The following DLG2 variants were observed in gnomAD, a reference collection of about 807,000 sequenced individuals.
The protein encoded by DLG2 is discs large MAGUK scaffold protein 2.
A neutral mutation model predicts 132.5 loss-of-function variants in DLG2; 45 were observed. That is an observed-to-expected ratio of 0.34 (90% CI 0.27 to 0.44). The LOEUF (loss-of-function observed/expected upper bound fraction) is 0.44, where lower values mean the gene tolerates loss of function less well. DLG2 is among the 20% of genes least tolerant of loss of function. The pLI is 1.00. For missense variants in DLG2, 1,045 were observed against 1,196.9 expected, an observed-to-expected ratio of 0.87 and a Z score of 1.87; for synonymous variants, 424 against 419.6, an observed-to-expected ratio of 1.01 and a Z score of -0.13.
chr11:83,959,180 C>T (rs1395675804), intron 14 of DLG2, among the ~76,000 whole-genome samples: 1 of 152,026 alleles, frequency 6.6e-6, no homozygotes, highest in Non-Finnish European at 1.5e-5. Context: ...AATAAAACTT[C>T]CCAGTTTATG....
At chr11:85,233,354 C>T (rs2152652995) in intron 4 of DLG2, among the ~76,000 whole-genome samples, 1 of 152,050 alleles carries the variant, frequency 6.6e-6, no homozygotes, top group African/African-American at 2.4e-5. Flanking sequence ...CCAGGATTGA[C>T]TTCTCCTAAC....
chr11:84,515,063 A>T (rs1158636575), intron 7 of DLG2, among the ~76,000 whole-genome samples: 1 of 151,948 alleles, frequency 6.6e-6, no homozygotes, highest in Non-Finnish European at 1.5e-5. Context: ...CAAAAAAATT[A>T]AAAAATAAGG....
At chr11:84,868,949 A>G (rs2154039243) in intron 6 of DLG2, among the ~76,000 whole-genome samples, 1 of 152,362 alleles carries the variant, frequency 6.6e-6, no homozygotes, top group East Asian at 1.9e-4. Context: ...GGCTTTGACA[A>G]GAGTGACTAA....
At chr11:83,975,081 T>C (rs1244842878) in intron 12 of DLG2, among the ~76,000 whole-genome samples, 1 of 152,030 alleles carries the variant, frequency 6.6e-6, no homozygotes, top group African/African-American at 2.4e-5. Context: ...GAGAAGACAA[T>C]CAAATTATCC....
intron 6 of DLG2, chr11:85,021,192 T>G: frequency 9.6e-7 from 1 of 1,044,442 alleles, no homozygotes; most frequent in Non-Finnish European, 1.5e-6. Flanking sequence ...TTTCCCTTCG[T>G]GAGTTGTTTC....
At chr11:83,640,820 G>A (rs2153479885) in intron 18 of DLG2, among the ~76,000 whole-genome samples, 1 of 152,280 alleles carries the variant, frequency 6.6e-6, no homozygotes, top group Middle Eastern at 3.4e-3. Context: ...TCAGTTCCAT[G>A]TTAAAATGGA....
rs531956571 is a variant in DLG2, at chr11:83,872,371, A to G, written c.1565+2049T>C. ...CAACAAATGGTAGAGGCCAGGACTC[A>G]AACCAAATTCTTTGACTCTAGAGTA... On this transcript the variant is annotated intron_variant, in intron 16 of 27. Transcript: ENST00000376104. 3.3e-5 allele frequency among the ~76,000 whole-genome samples: 5 copies of G among 152,346 alleles called. No individual in the cohort carries two copies. In the South Asian group the frequency reaches 1.0e-3, roughly 32 times the overall value.
chr11:83,697,271 A>G (rs1400305848), intron 18 of DLG2, among the ~76,000 whole-genome samples: 1 of 152,226 alleles, frequency 6.6e-6, no homozygotes, highest in Non-Finnish European at 1.5e-5. Flanking sequence ...ACTTAAAGAA[A>G]GAAAATGAAG....
intron 21 of DLG2, among the ~76,000 whole-genome samples, chr11:83,515,931 T>A (rs898706900): frequency 1.3e-5 from 2 of 152,092 alleles, no homozygotes; most frequent in East Asian, 1.9e-4. Context: ...TGCTGAGGAG[T>A]GCTTTACTTC....
rs143732832 is a variant in DLG2, at chr11:85,354,463, A to G, written c.41-69098T>C. 5.3e-3 allele frequency among the ~76,000 whole-genome samples: 808 copies of G among 152,170 alleles called. 4 individuals carry two copies. Among genetic ancestry groups the G allele is most frequent in the Non-Finnish European group, 8.9e-3 (602 of 68,000 alleles). On this transcript the variant is annotated intron_variant, in intron 3 of 27. Coordinates refer to ENST00000376104, the MANE Select transcript of DLG2 (RefSeq NM_001142699.3). ...CACAATGTCACCTTCTTATAAAGTC[A>G]TTATTTCCTTCCCCTTGTTCTTCAG...
At chr11:84,326,489 G>A (rs1229903032) in intron 7 of DLG2, among the ~76,000 whole-genome samples, 2 of 151,908 alleles carry the variant, frequency 1.3e-5, no homozygotes, top group South Asian at 2.1e-4. Flanking sequence ...TTGACCTATT[G>A]GTTAAGAGTG....
chr11:84,968,033 C>T (rs1230427526), intron 6 of DLG2, among the ~76,000 whole-genome samples: 1 of 151,776 alleles, frequency 6.6e-6, no homozygotes, highest in Non-Finnish European at 1.5e-5. Context: ...TGTTAAAGAA[C>T]TAAAAAGAAG....
In DLG2 at chr11:83,490,488, A is replaced by AGTC. The variant is rs373413960; in HGVS notation, c.2194-6263_2194-6261dup. ...ACCATTTTGTAATCATCACTATAAT[A>AGTC]GTCAAGTTAGGGAAGAATCATCTGT... is the stretch of plus-strand genomic sequence containing the variant. On this transcript the variant is annotated intron_variant, in intron 21 of 27. Coordinates refer to ENST00000376104, the MANE Select transcript of DLG2 (RefSeq NM_001142699.3). Among the ~76,000 whole-genome samples the AGTC allele has an allele frequency of 2.6e-4, 40 of 152,168 alleles. No homozygotes were observed. The East Asian group carries it at 7.0e-3, about 26-fold the overall frequency.
At chr11:83,605,777 G>A (rs1594349908) in intron 19 of DLG2, among the ~76,000 whole-genome samples, 1 of 152,328 alleles carries the variant, frequency 6.6e-6, no homozygotes, top group East Asian at 1.9e-4. Context: ...ATACATGCAA[G>A]AGTACTTGCA....
At chr11:83,618,656 CCTACT>C in intron 19 of DLG2, among the ~76,000 whole-genome samples, 1 of 152,280 alleles carries the variant, frequency 6.6e-6, no homozygotes, top group African/African-American at 2.4e-5. Flanking sequence ...AAGCTTTTGG[CCTACT>C]CTACTCTGCT....
chr11:84,191,177 T>C (rs2096401304), intron 8 of DLG2, among the ~76,000 whole-genome samples: 1 of 152,240 alleles, frequency 6.6e-6, no homozygotes, highest in South Asian at 2.1e-4. Context: ...TTTCAGTTTC[T>C]CAATTTCTAT....
intron 6 of DLG2, among the ~76,000 whole-genome samples, chr11:84,764,994 A>T (rs1005344861): frequency 6.6e-6 from 1 of 152,116 alleles, no homozygotes; most frequent in Non-Finnish European, 1.5e-5. Context: ...GAAGATGGTT[A>T]TATTTGCATG....
chr11:84,284,492 T>C (rs2097887752), intron 7 of DLG2, among the ~76,000 whole-genome samples: 1 of 152,042 alleles, frequency 6.6e-6, no homozygotes, highest in African/African-American at 2.4e-5. Context: ...CACTGCAGAG[T>C]CTCTGGAATC....
At chr11:85,361,974 AGT>A in intron 3 of DLG2, among the ~76,000 whole-genome samples, 1 of 152,150 alleles carries the variant, frequency 6.6e-6, no homozygotes, top group East Asian at 1.9e-4. Context: ...TCTATGATTT[AGT>A]TCTCTTTTTT....
Sources: allele counts gnomAD v4.1 joint callset (sites outside exome capture counted in the v4.1 genomes callset), GRCh38; gene constraint gnomAD v4.1.1; transcripts MANE v1.5; gene names NCBI Gene and HGNC (gene_info 2026-07-23, HGNC 2026-07-21).